Variants in ERG observed in about 807,000 individuals in gnomAD.
ERG encodes transcriptional regulator ERG.
In ERG, 9 loss-of-function variants were observed where a neutral mutation model predicts 55.3. The ratio of observed to expected loss-of-function variants is 0.16; its 90% confidence interval spans 0.10 to 0.28. ERG has a LOEUF of 0.28. Ranked by LOEUF, ERG falls within the 10% of genes least tolerant of loss-of-function variation. The probability of loss-of-function intolerance (pLI) is 1.00; values close to 1 mark genes in which losing one functional copy is unlikely to be tolerated. For synonymous variants in ERG, 223 were observed against 237.3 expected, an observed-to-expected ratio of 0.94 and a Z score of 0.55; for missense variants, 434 against 631.6, an observed-to-expected ratio of 0.69 and a Z score of 3.35.
chr21:38,445,406 T>C lies in ERG; in HGVS notation c.234A>G (p.Ser78=). 6.2e-7 allele frequency: 1 copy of C among 1,611,682 alleles called. No homozygotes were observed. Among genetic ancestry groups the C allele is most frequent in the Non-Finnish European group, 8.5e-7 (1 of 1,177,818 alleles). Residue 78 remains serine (S), a splice_region_variant and synonymous_variant, in exon 2 of 10, where the codon TCA becomes TCG. Transcript: ENST00000288319. ...MECNPSQVNG[S]RNSPDECSVA... ...GAAAGGGGCGGAAGTCTCCTTACCT[T>C]GAGCCATTCACCTGGCTAGGGTTAC... is the stretch of plus-strand genomic sequence containing the variant.
intron 1 of ERG, among the ~76,000 whole-genome samples, chr21:38,496,071 C>A (rs1469440229): frequency 6.6e-6 from 1 of 152,206 alleles, no homozygotes; most frequent in Non-Finnish European, 1.5e-5. Flanking sequence ...TCCTTTACTT[C>A]TTCCAATTGA....
chr21:38,599,700 A>T (rs1452231347), intron 1 of ERG, among the ~76,000 whole-genome samples: 1 of 152,114 alleles, frequency 6.6e-6, no homozygotes, highest in Non-Finnish European at 1.5e-5. Context: ...TAAAAATTCA[A>T]CTTCCCTGGA....
chr21:38,518,580 A>G (rs2059570810), intron 2 of ERG, among the ~76,000 whole-genome samples: 1 of 152,154 alleles, frequency 6.6e-6, no homozygotes, highest in African/African-American at 2.4e-5. Context: ...TGAGAAATCC[A>G]CATGAGAAAC....
At chr21:38,535,357 A>G (rs546315739) in intron 2 of ERG, among the ~76,000 whole-genome samples, 4 of 152,330 alleles carry the variant, frequency 2.6e-5, no homozygotes, top group African/African-American at 7.2e-5. Context: ...TGCACCAACA[A>G]TGTGAATATA....
chr21:38,654,075 GAC>G (rs1451855220), intron 1 of ERG, among the ~76,000 whole-genome samples: 2 of 152,202 alleles, frequency 1.3e-5, no homozygotes, highest in Non-Finnish European at 2.9e-5. Flanking sequence ...GCCCTTGTGG[GAC>G]ATTCTGTCTA....
At chr21:38,603,859 T>C (rs1040739789) in intron 1 of ERG, among the ~76,000 whole-genome samples, 2 of 152,046 alleles carry the variant, frequency 1.3e-5, no homozygotes, top group Non-Finnish European at 2.9e-5. Context: ...AAGTGTCCTT[T>C]ATTTGCTGAA....
intron 2 of ERG, among the ~76,000 whole-genome samples, chr21:38,570,861 G>T (rs2059953401): frequency 6.6e-6 from 1 of 152,140 alleles, no homozygotes. Context: ...TCCCCTCTCA[G>T]TCCAGTCCTC....
In ERG at chr21:38,477,007, C is replaced by CTTTTTTT. The variant is rs397867221; in HGVS notation, c.18+21349_18+21355dup. Reference sequence around the variant, plus strand: ...GATTCTTTTTTCTTTTCTTTCTTTCCTTTTTTTTTTTTTTTTTTTTTTTGA... The same window carrying CTTTTTTT: ...GATTCTTTTTTCTTTTCTTTCTTTCCTTTTTTTTTTTTTTTTTTTTTTTTTTTTTTGA... On this transcript the variant is annotated intron_variant, in intron 1 of 9. Transcript: ENST00000288319. Among the ~76,000 whole-genome samples the CTTTTTTT allele has an allele frequency of 5.8e-4, 49 of 84,150 alleles. 2 individuals carry two copies. Among genetic ancestry groups the CTTTTTTT allele is most frequent in the East Asian group, 2.8e-3 (7 of 2,512 alleles). 55.2% of individuals were successfully genotyped at this position (84,150 alleles called of 152,430 possible).
At chr21:38,646,950 A>C (rs779670520) in intron 1 of ERG, among the ~76,000 whole-genome samples, 1 of 152,180 alleles carries the variant, frequency 6.6e-6, no homozygotes, top group Non-Finnish European at 1.5e-5. Flanking sequence ...AAGTTCATAA[A>C]GGCAGCCTCT....
chr21:38,544,480 T>C (rs1160634407), intron 2 of ERG, among the ~76,000 whole-genome samples: 6 of 152,108 alleles, frequency 3.9e-5, no homozygotes, highest in Admixed American at 2.0e-4. Flanking sequence ...GGAGTGACTC[T>C]TTTCAGTATT....
Position 38,542,943 on chromosome 21 carries a change from A to G in ERG, c.-41+32719T>C, listed in dbSNP as rs181262748. The stretch of plus-strand genomic sequence containing the variant: ...ACCATAGATTCTTTAGACGACAGCC[A>G]TCAAGCAGCAAATACCTCGCAGGAG... On this transcript the variant is annotated intron_variant, in intron 2 of 8. Transcript: ENST00000398897. 2.0e-5 allele frequency among the ~76,000 whole-genome samples: 3 copies of G among 152,276 alleles called. No individual in the cohort carries two copies. The East Asian group carries it at 5.8e-4, about 29-fold the overall frequency.
At chr21:38,401,707 C>T (rs1264530814) in intron 5 of ERG, among the ~76,000 whole-genome samples, 1 of 152,156 alleles carries the variant, frequency 6.6e-6, no homozygotes, top group Non-Finnish European at 1.5e-5. Flanking sequence ...AGGGTCCCTG[C>T]AGCTAACAGA....
upstream of ERG, among the ~76,000 whole-genome samples, chr21:38,587,971 A>T (rs937763950): frequency 6.6e-6 from 1 of 152,200 alleles, no homozygotes; most frequent in African/African-American, 2.4e-5. Context: ...GGGTATTTTT[A>T]AATTAGCATT....
At chr21:38,378,742 T>C (rs1020538886), downstream of ERG, among the ~76,000 whole-genome samples, 7 of 152,220 alleles carry the variant, frequency 4.6e-5, no homozygotes, top group Non-Finnish European at 7.3e-5. Context: ...TTGTGACCTG[T>C]TTCAGAAAAT....
intron 1 of ERG, among the ~76,000 whole-genome samples, chr21:38,653,751 G>A (rs562377545): frequency 9.9e-5 from 15 of 152,246 alleles, no homozygotes; most frequent in African/African-American, 2.4e-4. Context: ...GACGTGTCCC[G>A]TGTCTTAACA....
chr21:38,645,530 G>A (rs760212552), intron 1 of ERG, among the ~76,000 whole-genome samples: 8 of 152,162 alleles, frequency 5.3e-5, no homozygotes, highest in Admixed American at 2.0e-4. Context: ...TGGGTTCCAC[G>A]TGACCATGAC....
chr21:38,421,653 C>T (rs1989546350), intron 3 of ERG, among the ~76,000 whole-genome samples: 1 of 152,106 alleles, frequency 6.6e-6, no homozygotes, highest in Admixed American at 6.5e-5. Context: ...CCCATGCATG[C>T]CCTTGGCTAC....
At chr21:38,438,072 T>C (rs2058807547) in intron 2 of ERG, among the ~76,000 whole-genome samples, 1 of 152,222 alleles carries the variant, frequency 6.6e-6, no homozygotes, top group Admixed American at 6.5e-5. Context: ...CTTGTTGTCC[T>C]CGAACACCTC....
chr21:38,555,940 T>C (rs191096391), intron 2 of ERG, among the ~76,000 whole-genome samples: 4 of 152,302 alleles, frequency 2.6e-5, no homozygotes, highest in Non-Finnish European at 1.5e-5. Flanking sequence ...TTCTAGAAAT[T>C]CTACTTATAT....
Sources: allele counts gnomAD v4.1 joint callset (sites outside exome capture counted in the v4.1 genomes callset), GRCh38; gene constraint gnomAD v4.1.1; transcripts MANE v1.5; gene names NCBI Gene and HGNC (gene_info 2026-07-23, HGNC 2026-07-21).